NPIPB2: variants seen among roughly 807,000 people sequenced by gnomAD.
The protein encoded by NPIPB2 is nuclear pore complex interacting protein family member B2, also known as nuclear pore complex-interacting protein family member B2.
A neutral mutation model predicts 30.8 loss-of-function variants in NPIPB2; 27 were observed. The observed-to-expected ratio is 0.88, with a 90% CI of 0.65 to 1.21. The LOEUF (loss-of-function observed/expected upper bound fraction) is 1.21. NPIPB2 is among the 50% of genes most tolerant of loss of function. The probability of loss-of-function intolerance (pLI) is 0.00; values close to 1 mark genes in which losing one functional copy is unlikely to be tolerated. For synonymous variants in NPIPB2, 147 were observed against 162.0 expected (o/e 0.91, Z 0.70); for missense variants, 440 against 446.2 (o/e 0.99, Z 0.13).
chr16:11,939,371 C>T (rs965996783), intron 1 of NPIPB2, among the ~76,000 whole-genome samples: 4 of 151,632 alleles, frequency 2.6e-5, no homozygotes, highest in African/African-American at 9.7e-5. Flanking sequence ...ACCATCCTAG[C>T]TAACACGGTG....
intron 1 of NPIPB2, among the ~76,000 whole-genome samples, chr16:11,954,383 CAGA>C (rs1449374431): frequency 6.6e-6 from 1 of 150,440 alleles, no homozygotes; most frequent in Non-Finnish European, 1.5e-5. Context: ...GAGGCTGAGG[CAGA>C]AGAATCACTT....
At chr16:11,964,066 T>C (rs1296076501) in intron 1 of NPIPB2, 1 of 150,844 alleles carries the variant, frequency 6.6e-6, no homozygotes, top group African/African-American at 2.4e-5. Context: ...AAGTGATCCA[T>C]TTATGTAAAC....
intron 2 of NPIPB2, among the ~76,000 whole-genome samples, chr16:11,935,282 G>T (rs2054849885): frequency 6.6e-6 from 1 of 151,906 alleles, no homozygotes; most frequent in African/African-American, 2.4e-5. Flanking sequence ...CTCAGATGTG[G>T]GTCAGATACC....
At chr16:11,969,020 C>A (rs1021324812) in intron 1 of NPIPB2, among the ~76,000 whole-genome samples, 1 of 152,022 alleles carries the variant, frequency 6.6e-6, no homozygotes, top group South Asian at 2.1e-4. Context: ...GCACGTGGCA[C>A]CATGCCCTGC....
At chr16:11,951,273 G>A (rs969582207) in intron 1 of NPIPB2, among the ~76,000 whole-genome samples, 2 of 151,082 alleles carry the variant, frequency 1.3e-5, no homozygotes, top group African/African-American at 4.9e-5. Flanking sequence ...TGGCTAACAC[G>A]GTGAAACCCC....
intron 1 of NPIPB2, among the ~76,000 whole-genome samples, chr16:11,969,809 T>C (rs2055224402): frequency 1.3e-5 from 2 of 152,174 alleles, no homozygotes; most frequent in African/African-American, 4.8e-5. Flanking sequence ...CTAACCCTTA[T>C]ATAGTCTTAC....
In NPIPB2 at chr16:11,966,301, GATAAA is replaced by G. The variant is rs768690894; in HGVS notation, c.-584+10262_-584+10266del. ...TCGTGCTAATGTTTTTGCTAAGGAA[GATAAA>G]CTCTGAACCATTAAAGGACGAGTTT... On this transcript the variant is annotated intron_variant, in intron 1 of 5. Coordinates refer to the NPIPB2 transcript ENST00000538896. The G allele has an allele frequency of 5.0e-6, 8 of 1,614,014 alleles. No individual in the cohort carries two copies. In the South Asian group the frequency reaches 8.8e-5, roughly 18 times the overall value.
chr16:11,946,116 T>G (rs990169360), upstream of NPIPB2, among the ~76,000 whole-genome samples: 8 of 151,484 alleles, frequency 5.3e-5, no homozygotes, highest in African/African-American at 1.9e-4. Context: ...CTGGGCATGG[T>G]GGCTTATACC....
intron 1 of NPIPB2, among the ~76,000 whole-genome samples, chr16:11,949,023 T>C (rs866113685): frequency 2.6e-5 from 4 of 151,872 alleles, no homozygotes; most frequent in Middle Eastern, 6.8e-3. Context: ...ATGCCTGTAA[T>C]CCCAGCTTCT....
chr16:11,954,832 C>A (rs535026572), intron 1 of NPIPB2, among the ~76,000 whole-genome samples: 2 of 150,422 alleles, frequency 1.3e-5, no homozygotes, highest in Non-Finnish European at 3.0e-5. Context: ...GGTGTGAACC[C>A]GGGAGGCAGA....
At chr16:11,957,914 TC>T (rs1343064976) in intron 1 of NPIPB2, among the ~76,000 whole-genome samples, 10 of 152,138 alleles carry the variant, frequency 6.6e-5, no homozygotes, top group Admixed American at 2.0e-4. Context: ...GCTCTGTATC[TC>T]CTTTTGGTTC....
chr16:11,968,109 T>C (rs920338766), intron 1 of NPIPB2: 23 of 399,132 alleles, frequency 5.8e-5, no homozygotes, highest in African/African-American at 4.8e-4. Flanking sequence ...AAAACAAGCA[T>C]GTATACCAGT....
At chr16:11,943,786 C>T (rs373462344), upstream of NPIPB2, among the ~76,000 whole-genome samples, 985 of 150,118 alleles carry the variant, frequency 6.6e-3, 12 homozygotes, top group African/African-American at 0.023. Flanking sequence ...ATCACAAGGT[C>T]AGGAGATCGA....
At chr16:11,937,358 T>C (rs1183349069) in intron 2 of NPIPB2, among the ~76,000 whole-genome samples, 182 bp downstream of exon 2, 1 of 152,234 alleles carries the variant, frequency 6.6e-6, no homozygotes, top group Non-Finnish European at 1.5e-5. Flanking sequence ...AACACTGACC[T>C]ATTTAATTTT....
At chr16:11,949,080 T>C (rs1046862112) in intron 1 of NPIPB2, among the ~76,000 whole-genome samples, 8 of 151,398 alleles carry the variant, frequency 5.3e-5, no homozygotes, top group African/African-American at 1.9e-4. Flanking sequence ...GCCCAGGAGG[T>C]TGAGGCTGCT....
intron 1 of NPIPB2, among the ~76,000 whole-genome samples, chr16:11,947,306 TTATTTATTTATTTATTTATATATATATA>T (rs1221094058): frequency 5.7e-5 from 4 of 69,996 alleles, no homozygotes; most frequent in African/African-American, 1.2e-4. Context: ...TTTTATTTAT[TTATTTATTTATTTATTTATATATATATA>T]TATTTATTTA....
chr16:11,975,566 C>A (rs2055280704), intron 1 of NPIPB2, among the ~76,000 whole-genome samples: 2 of 151,824 alleles, frequency 1.3e-5, no homozygotes, highest in South Asian at 4.2e-4. Context: ...CATTATAATT[C>A]ATTCTCATCC....
intron 1 of NPIPB2, among the ~76,000 whole-genome samples, chr16:11,973,178 A>G (rs2055246500): frequency 6.6e-6 from 1 of 151,780 alleles, no homozygotes; most frequent in African/African-American, 2.4e-5. Context: ...AAAAAAAAAA[A>G]AAAAAAGACT....
chr16:11,967,931 AT>A, intron 1 of NPIPB2: 2 of 1,471,736 alleles, frequency 1.4e-6, no homozygotes, highest in Admixed American at 2.1e-5. Flanking sequence ...GGATGACTGT[AT>A]TTTTCAGTTG....
Sources: allele counts gnomAD v4.1 joint callset (sites outside exome capture counted in the v4.1 genomes callset), GRCh38; gene constraint gnomAD v4.1.1; transcripts MANE v1.5; gene names NCBI Gene and HGNC (gene_info 2026-07-23, HGNC 2026-07-21).